Variants in SUPT6H observed in about 807,000 individuals in gnomAD.
SUPT6H encodes transcription elongation factor SPT6.
A neutral mutation model predicts 222.3 loss-of-function variants in SUPT6H; 11 were observed. That is an observed-to-expected ratio of 0.05 (90% CI 0.03 to 0.08). The LOEUF (loss-of-function observed/expected upper bound fraction) is 0.08. SUPT6H is among the 10% of genes least tolerant of loss of function. The pLI is 1.00. For missense variants in SUPT6H, 1,422 were observed against 2,216.0 expected, an observed-to-expected ratio of 0.64 and a Z score of 7.19; for synonymous variants, 762 against 801.2, an observed-to-expected ratio of 0.95 and a Z score of 0.83.
intron 27 of SUPT6H, among the ~76,000 whole-genome samples, chr17:28,693,107 CT>C (rs1472708327): frequency 6.6e-6 from 1 of 151,984 alleles, no homozygotes; most frequent in Non-Finnish European, 1.5e-5. Context: ...GAGGTTGAGG[CT>C]GCAGTGAACC....
At chr17:28,676,540 T>C in intron 7 of SUPT6H, 110 bp downstream of exon 7, 3 of 1,522,934 alleles carry the variant, frequency 2.0e-6, no homozygotes, top group Admixed American at 2.0e-5. Context: ...TTGAACCTCA[T>C]CTCACCTGGG....
At chr17:28,679,522 C>G (rs190318034) in intron 11 of SUPT6H, among the ~76,000 whole-genome samples, 11 of 152,208 alleles carry the variant, frequency 7.2e-5, no homozygotes, top group Admixed American at 3.9e-4. Context: ...ATACTCCACA[C>G]TGAGTGAAAG....
chr17:28,692,213 A>C (rs1162094854), intron 27 of SUPT6H, among the ~76,000 whole-genome samples: 1 of 150,914 alleles, frequency 6.6e-6, no homozygotes, highest in African/African-American at 2.4e-5. Flanking sequence ...AGTCCCAGCT[A>C]CTCGGGAGGC....
At chr17:28,695,012 A>AGGG (rs1157045564) in intron 28 of SUPT6H, 1 of 150,280 alleles carries the variant, frequency 6.7e-6, no homozygotes, top group Non-Finnish European at 1.2e-5. Context: ...AAAAAAAAGG[A>AGGG]GGGGGGGTGT....
In SUPT6H at chr17:28,689,540, T is replaced by C. The variant is rs1342251436; in HGVS notation, c.3321T>C (p.Phe1107=). The C allele has an allele frequency of 6.2e-7, 1 of 1,614,058 alleles. No homozygotes were observed. Among genetic ancestry groups the C allele is most frequent in the East Asian group, 2.2e-5 (1 of 44,902 alleles). ...TGAAAGACCTGGACCTTGATGCCTT[T>C]GCAGAAGAGCTGGAGAGGCAGGTAA... ...ERLKDLDLDA[F]AEELERQGYG... Residue 1107 remains phenylalanine (F), a synonymous_variant, in exon 25 of 37, where the codon TTT becomes TTC. Transcript: ENST00000314616.
rs1453968009 is a variant in SUPT6H at position 28,688,021 on chromosome 17, T to G, written c.3007-70T>G. The G allele has an allele frequency of 6.8e-7, 1 of 1,474,356 alleles. No individual in the cohort carries two copies. Among genetic ancestry groups the G allele is most frequent in the African/African-American group, 1.4e-5 (1 of 69,928 alleles). The allele number at this position is 1,474,356 out of a possible 1,614,324, so 91.3% of individuals were successfully genotyped here. A position where few individuals can be genotyped will look rare whatever the true frequency, so the allele number is the denominator to read the frequency against. On this transcript the variant is annotated intron_variant, in intron 23 of 36. Coordinates refer to ENST00000314616, the MANE Select transcript of SUPT6H (RefSeq NM_003170.5). The surrounding 1 kb of genome is among the most constrained non-coding windows in gnomAD (Gnocchi z 4.3). ...CAGAGTTTTTGTTATGAGGGTTTAATAGAGACTGGAACAGTCTGGGGAGGT... is the reference window on the plus strand; with the variant it reads ...CAGAGTTTTTGTTATGAGGGTTTAAGAGAGACTGGAACAGTCTGGGGAGGT...
chr17:28,680,306 A>G (rs972570618), intron 11 of SUPT6H, among the ~76,000 whole-genome samples: 1 of 147,058 alleles, frequency 6.8e-6, no homozygotes, highest in Non-Finnish European at 1.5e-5. Context: ...CTCCATCTCA[A>G]AAGAAGAGAG....
At chr17:28,683,577 C>G (rs774199422) in intron 16 of SUPT6H, 44 bp from the exon 17 acceptor site, 1 of 1,600,296 alleles carries the variant, frequency 6.2e-7, no homozygotes, top group South Asian at 1.1e-5. Flanking sequence ...TTGGGTGTCA[C>G]CTTTTCTCCA....
intron 15 of SUPT6H, 23 bp downstream of exon 15, chr17:28,683,115 A>T (rs759403437): frequency 6.3e-7 from 1 of 1,577,818 alleles, no homozygotes; most frequent in Non-Finnish European, 8.6e-7. Context: ...AAGGGCTTTG[A>T]TCCAAGATGT....
intron 13 of SUPT6H, chr17:28,682,271 A>T (rs1185142800): frequency 5.9e-6 from 2 of 337,496 alleles, no homozygotes; most frequent in East Asian, 1.1e-4. Context: ...TCAAGTGTTT[A>T]AAATCAGTTT....
rs763652445 is a variant in SUPT6H, at chr17:28,682,689, A to G, written c.1598-38A>G. On this transcript the variant is annotated intron_variant, in intron 13 of 36. Coordinates refer to ENST00000314616, the MANE Select transcript of SUPT6H (RefSeq NM_003170.5). ...TGAAAGCCAAGAGGTTTATCAGCCTATCTGCTGCCTTACCCTTCACTCTTC... is the reference window on the plus strand; with the variant it reads ...TGAAAGCCAAGAGGTTTATCAGCCTGTCTGCTGCCTTACCCTTCACTCTTC... 22 of 1,605,446 alleles carry G rather than the reference A, an allele frequency of 1.4e-5. No individual in the cohort carries two copies. The South Asian group carries it at 1.8e-4, about 13-fold the overall frequency.
At position 28,678,124 on chromosome 17, in the gene SUPT6H, C is replaced by T. The variant is rs1257824997; in HGVS notation, c.1048C>T (p.Arg350Trp). The T allele has an allele frequency of 1.2e-6, 2 of 1,612,070 alleles. No homozygotes were observed. The highest frequency in any genetic ancestry group is 1.3e-5 in the African/African-American group (1 of 74,844). ...AGGGCAGCCAGCCAGCAGCTTCAGT[C>T]GGAAAGGGCCCAGCACAATTCAGAA... ...DRGQPASSFS[R>W]KGPSTIQKIK... is the part of the protein sequence containing the mutation. The change falls in exon 9 of 37, where the codon CGG becomes TGG. Residue 350 changes from arginine to tryptophan, a missense_variant. Around this residue, in one of 13 missense-constraint regions of SUPT6H, gnomAD observed 389 missense variants for 544.6 expected, o/e 0.71. Transcript: ENST00000314616.
At chr17:28,692,218 G>A (rs2151651999) in intron 27 of SUPT6H, among the ~76,000 whole-genome samples, 1 of 151,566 alleles carries the variant, frequency 6.6e-6, no homozygotes, top group East Asian at 2.0e-4. Flanking sequence ...CAGCTACTCG[G>A]GAGGCTGAGG....
chr17:28,690,932 A>G lies in SUPT6H; in HGVS notation c.3502A>G (p.Ile1168Val). The change falls in exon 27 of 37, where the codon ATC (isoleucine) becomes GTC (valine). Residue 1168 changes from isoleucine to valine, a missense_variant. By Grantham distance (29) the Ile-to-Val change is conservative. Transcript: ENST00000314616. The stretch of plus-strand genomic sequence containing the variant: ...TTTCCTTCTTGCAGGAAAGCTCATC[A>G]TCTGCAATGTCACTGGCATTGCCCA... The part of the protein sequence containing the change: ...PETFYIGKLI[I>V]CNVTGIAHRR... 1.2e-6 allele frequency: 2 copies of G among 1,613,462 alleles called. No individual in the cohort carries two copies. Among genetic ancestry groups the G allele is most frequent in the African/African-American group, 1.3e-5 (1 of 75,012 alleles).
chr17:28,691,257 T>G, intron 27 of SUPT6H, 194 bp downstream of exon 27: 1 of 727,826 alleles, frequency 1.4e-6, no homozygotes, highest in Non-Finnish European at 2.2e-6. Context: ...CTGGGCACGG[T>G]GGCTCACGCC....
In SUPT6H at chr17:28,675,151, A is replaced by T; in HGVS notation, c.527A>T (p.Asp176Val). 3 of 1,610,354 alleles carry T rather than the reference A, an allele frequency of 1.9e-6. No individual in the cohort carries two copies. Among genetic ancestry groups the T allele is most frequent in the Non-Finnish European group, 2.5e-6 (3 of 1,179,018 alleles). The change falls in exon 5 of 37, where the codon GAT (aspartate) becomes GTT (valine). Residue 176 changes from aspartate to valine, a missense_variant. By Grantham distance (152) the Asp-to-Val change is radical. Transcript: ENST00000314616. ...MAPPEEEEEDDEESDIDDFIV... is the reference protein window; with the variant it reads ...MAPPEEEEEDVEESDIDDFIV... ...CCTCCAGAGGAGGAGGAAGAAGATG[A>T]TGAGGAGTCAGGTATGTTATATTGG...
rs374541958 is a variant in SUPT6H at position 28,684,596 on chromosome 17, G to A, written c.2240G>A (p.Arg747Gln). 103 of 1,614,098 alleles carry A rather than the reference G, an allele frequency of 6.4e-5. No homozygotes were observed. The highest frequency in any genetic ancestry group is 8.2e-5 in the Non-Finnish European group (97 of 1,180,030). Residue 747 changes from arginine to glutamine, a missense_variant, in exon 18 of 37, where the codon CGA (arginine) becomes CAA (glutamine). By Grantham distance (43) the Arg-to-Gln change is conservative. Transcript: ENST00000314616. ...AKEYVIKACS[R>Q]KLYNWLRVAP... ...TGTCTCTTCCCTCAGGCCTGTAGTC[G>A]AAAGCTCTACAATTGGTTGAGAGTG...
rs773457102 is a variant in SUPT6H, at chr17:28,695,495, A to G, written c.3918A>G (p.Glu1306=). Residue 1306 remains glutamate (E), a synonymous_variant, in exon 29 of 37, where the codon GAA becomes GAG. Transcript: ENST00000314616. ...ACACCTACTATGACTTTGATGCTGAAGCTGCAGACCACAAGCAGGAGGAGG... is the reference window on the plus strand; with the variant it reads ...ACACCTACTATGACTTTGATGCTGAGGCTGCAGACCACAAGCAGGAGGAGG... ...PKDTYYDFDA[E]AADHKQEEDM... is the part of the protein sequence containing the mutation. 5.6e-6 allele frequency: 9 copies of G among 1,613,984 alleles called. No homozygotes were observed. The highest frequency in any genetic ancestry group is 5.9e-6 in the Non-Finnish European group (7 of 1,180,032).
At position 28,700,453 on chromosome 17, in the gene SUPT6H, C is replaced by A; in HGVS notation, c.4747C>A (p.Gln1583Lys). ...QGQNPNATPA[Q>K]WASSQYGYGG... ...ACAGAACCCTAATGCCACCCCAGCC[C>A]AGTGGGCCTCCAGCCAGTACGGCTA... The change falls in exon 35 of 37, where the codon CAG becomes AAG. Residue 1583 changes from glutamine to lysine, a missense_variant. Physicochemically the swap from Gln to Lys is moderately conservative, Grantham distance 53 (BLOSUM62 1). This residue lies in a region of SUPT6H where 395 missense variants were observed against 580.6 expected (regional missense o/e 0.68). Coordinates refer to ENST00000314616, the MANE Select transcript of SUPT6H (RefSeq NM_003170.5). The A allele has an allele frequency of 6.2e-7, 1 of 1,614,260 alleles. No individual in the cohort carries two copies. Among genetic ancestry groups the A allele is most frequent in the South Asian group, 1.1e-5 (1 of 91,090 alleles).
Sources: gnomAD v4.1 joint callset for allele counts (sites outside exome capture counted in the v4.1 genomes callset) on GRCh38, gnomAD v4.1.1 for gene constraint, gnomAD v4.1.1 regional missense constraint, Gnocchi (gnomAD v3.1) non-coding constraint, MANE v1.5 for transcripts, NCBI Gene and HGNC (gene_info 2026-07-23, HGNC 2026-07-21) for gene names.